USH2A: variants seen among roughly 807,000 people sequenced by gnomAD.
USH2A encodes Usher syndrome 2A (autosomal recessive, mild).
In USH2A, 443 loss-of-function variants were observed where a neutral mutation model predicts 538.9. The ratio of observed to expected loss-of-function variants is 0.82; its 90% CI spans 0.76 to 0.89. The LOEUF (loss-of-function observed/expected upper bound fraction) is 0.89, where lower values mean the gene tolerates loss of function less well. USH2A is among the 40% of genes least tolerant of loss of function. USH2A has a pLI of 0.00. For missense variants in USH2A, 6,633 were observed against 6,324.8 expected (o/e 1.05, Z -1.65); for synonymous variants, 2,413 against 2,273.5 (o/e 1.06, Z -1.75).
intron 16 of USH2A, among the ~76,000 whole-genome samples, 164 bp downstream of exon 16, chr1:216,207,109 T>C (rs182561263): frequency 6.3e-4 from 96 of 152,342 alleles, no homozygotes; most frequent in Non-Finnish European, 4.6e-4. Flanking sequence ...TCATTTTTAT[T>C]GTATTTCTTT....
chr1:215,940,725 T>C (rs1332797552), intron 37 of USH2A, among the ~76,000 whole-genome samples: 1 of 152,184 alleles, frequency 6.6e-6, no homozygotes, highest in Admixed American at 6.5e-5. Context: ...TAATGCATCA[T>C]ATTTCTTACA....
intron 29 of USH2A, 186 bp downstream of exon 29, chr1:216,072,703 T>C (rs1284974326): frequency 1.6e-6 from 1 of 636,648 alleles, no homozygotes; most frequent in Non-Finnish European, 2.8e-6. Flanking sequence ...GAATTCTTGG[T>C]AAATGAAAAG....
At chr1:216,136,816 C>T (rs1296268649) in intron 21 of USH2A, among the ~76,000 whole-genome samples, 2 of 152,112 alleles carry the variant, frequency 1.3e-5, no homozygotes, top group Non-Finnish European at 2.9e-5. Flanking sequence ...GCAAAAGGAA[C>T]ATCAAAGATT....
intron 11 of USH2A, among the ~76,000 whole-genome samples, chr1:216,252,472 G>T (rs2036181408): frequency 6.6e-6 from 1 of 152,102 alleles, no homozygotes; most frequent in African/African-American, 2.4e-5. Flanking sequence ...TCTAGGTTGG[G>T]ATTCAGTTAC....
At chr1:216,339,827 C>G (rs974914573) in intron 4 of USH2A, among the ~76,000 whole-genome samples, 2 of 151,100 alleles carry the variant, frequency 1.3e-5, no homozygotes, top group Non-Finnish European at 3.0e-5. Context: ...TGGAACACAG[C>G]TAAGGCAGTG....
chr1:215,795,382 G>A (rs975414389), intron 50 of USH2A, among the ~76,000 whole-genome samples: 1 of 152,054 alleles, frequency 6.6e-6, no homozygotes, highest in Non-Finnish European at 1.5e-5. Flanking sequence ...CTCTCTTATG[G>A]TCTGTGTATA....
At chr1:216,418,792 G>GT in intron 2 of USH2A, 113 bp from the exon 3 acceptor site, 4 of 1,102,618 alleles carry the variant, frequency 3.6e-6, no homozygotes, top group Non-Finnish European at 5.5e-6. Context: ...GCTCAAAATG[G>GT]TGTACTATGA....
intron 22 of USH2A, among the ~76,000 whole-genome samples, chr1:216,093,543 A>G (rs2032356657): frequency 2.0e-5 from 3 of 152,192 alleles, no homozygotes. Context: ...GTTTCCTGGC[A>G]GCCATTCTCC....
rs1189191652 is a variant in USH2A at position 215,982,676 on chromosome 1, AACTATGGGGTAGCT to A, written c.6805+10330_6805+10343del. On this transcript the variant is annotated intron_variant, in intron 35 of 71. Coordinates refer to ENST00000307340, the MANE Select transcript of USH2A (RefSeq NM_206933.4). Reference sequence around the variant, plus strand: ...TCTGGTAGTCATCTGGCTCATCAGTAACTATGGGGTAGCTACTATGAGCCAGACATTGTGTTGCA... The same window carrying A: ...TCTGGTAGTCATCTGGCTCATCAGTAACTATGAGCCAGACATTGTGTTGCA... Among the ~76,000 whole-genome samples the A allele has an allele frequency of 1.3e-5, 2 of 152,204 alleles. 1 individual carries two copies. The highest frequency in any genetic ancestry group is 4.8e-5 in the African/African-American group (2 of 41,458).
intron 44 of USH2A, among the ~76,000 whole-genome samples, chr1:215,857,627 G>A (rs1282818073): frequency 1.3e-5 from 2 of 152,142 alleles, no homozygotes; most frequent in African/African-American, 2.4e-5. Context: ...TGCATCCCAC[G>A]TACAAAAATG....
intron 38 of USH2A, among the ~76,000 whole-genome samples, chr1:215,926,014 T>A (rs1666228955): frequency 6.6e-6 from 1 of 152,058 alleles, no homozygotes; most frequent in African/African-American, 2.4e-5. Context: ...CGAGACTCCG[T>A]CTCAAAAAAA....
intron 21 of USH2A, among the ~76,000 whole-genome samples, chr1:216,137,406 A>G (rs2033507885): frequency 6.6e-6 from 1 of 152,178 alleles, no homozygotes; most frequent in African/African-American, 2.4e-5. Context: ...ATGAGGAGGA[A>G]GCAAAAGCAG....
intron 21 of USH2A, among the ~76,000 whole-genome samples, chr1:216,132,108 T>C (rs1310983690): frequency 6.6e-6 from 1 of 152,144 alleles, no homozygotes; most frequent in Non-Finnish European, 1.5e-5. Context: ...TACTATGATA[T>C]AATATTTATC....
chr1:215,655,054 T>A (rs1404031497), intron 64 of USH2A, among the ~76,000 whole-genome samples: 4 of 152,206 alleles, frequency 2.6e-5, no homozygotes, highest in African/African-American at 9.6e-5. Flanking sequence ...CACAATATAT[T>A]CCTTAGCCAT....
intron 61 of USH2A, among the ~76,000 whole-genome samples, chr1:215,682,731 G>T (rs990055745): frequency 1.4e-5 from 2 of 142,222 alleles, no homozygotes; most frequent in Non-Finnish European, 3.0e-5. Context: ...CAGTTGTTTT[G>T]CTTAACCTGG....
chr1:216,235,791 T>G (rs1226238508), intron 13 of USH2A, among the ~76,000 whole-genome samples: 2 of 152,176 alleles, frequency 1.3e-5, no homozygotes, highest in Admixed American at 6.5e-5. Flanking sequence ...AGGAGGGCAA[T>G]GCTGGGGCTA....
At chr1:216,041,194 C>A (rs1177582163) in intron 32 of USH2A, among the ~76,000 whole-genome samples, 1 of 151,956 alleles carries the variant, frequency 6.6e-6, no homozygotes, top group Non-Finnish European at 1.5e-5. Context: ...TTTATTATAG[C>A]AAACATCAAC....
chr1:215,795,410 C>A lies in USH2A; in HGVS notation c.9958+3497G>T, dbSNP rs17025435. ...TGTGTATAACCTTGTAGGCACTTTT[C>A]TCCTTGATTAGGTTGTAAGTTCTTG... On this transcript the variant is annotated intron_variant, in intron 50 of 71. Coordinates refer to ENST00000307340, the MANE Select transcript of USH2A (RefSeq NM_206933.4). Among the ~76,000 whole-genome samples the A allele has an allele frequency of 7.1e-3, 1,082 of 152,234 alleles. 10 individuals carry two copies. The highest frequency in any genetic ancestry group is 0.025 in the African/African-American group (1,029 of 41,534).
intron 35 of USH2A, among the ~76,000 whole-genome samples, chr1:215,972,996 A>G (rs899100755): frequency 2.6e-5 from 4 of 152,198 alleles, no homozygotes; most frequent in African/African-American, 9.6e-5. Flanking sequence ...TTTAAAGGGA[A>G]AAAAGATATG....
Sources: gnomAD v4.1 joint callset for allele counts (sites outside exome capture counted in the v4.1 genomes callset) on GRCh38, gnomAD v4.1.1 for gene constraint, MANE v1.5 for transcripts, NCBI Gene and HGNC (gene_info 2026-07-23, HGNC 2026-07-21) for gene names.